The following TMT1B variants were observed in gnomAD, a reference collection of about 807,000 sequenced individuals.
TMT1B encodes the protein thiol methyltransferase 1B.
the TMT1B span, among the ~76,000 whole-genome samples, chr12:55,682,420 C>T: frequency 6.6e-6 from 1 of 151,966 alleles, no homozygotes; most frequent in African/African-American, 2.4e-5. Context: ...CATGACGGGG[C>T]ACAATTGGGT....
At chr12:55,683,246 G>A in the TMT1B span, among the ~76,000 whole-genome samples, 1 of 152,110 alleles carries the variant, frequency 6.6e-6, no homozygotes, top group East Asian at 1.9e-4. Context: ...CTGTAATCCA[G>A]CACTTTGGGA....
At chr12:55,683,694 C>G in the TMT1B span, 4 of 995,212 alleles carry the variant, frequency 4.0e-6, no homozygotes, top group Non-Finnish European at 6.2e-6. Context: ...ACAGTTTGCT[C>G]CATGAACTCT....
the TMT1B span, chr12:55,681,979 G>A: frequency 1.2e-6 from 2 of 1,614,124 alleles, no homozygotes; most frequent in African/African-American, 1.3e-5. Context: ...TGGCCCTACT[G>A]GAGCTGGGCT....
the TMT1B span, among the ~76,000 whole-genome samples, chr12:55,683,427 G>C: frequency 6.6e-6 from 1 of 152,028 alleles, no homozygotes; most frequent in Non-Finnish European, 1.5e-5. Context: ...CCTGAGAGGT[G>C]GAGGTTGCAG....
chr12:55,683,954 A>G, the TMT1B span: 1 of 1,614,042 alleles, frequency 6.2e-7, no homozygotes, highest in Admixed American at 1.7e-5. Flanking sequence ...GGATCTTGAG[A>G]ACGCCCAGTT....
At chr12:55,682,134 G>C in the TMT1B span, 1 of 1,613,972 alleles carries the variant, frequency 6.2e-7, no homozygotes, top group African/African-American at 1.3e-5. Flanking sequence ...GTGGCTCCTG[G>C]AGAGGACATG....
chr12:55,683,904 A>C, the TMT1B span: 3 of 1,614,044 alleles, frequency 1.9e-6, no homozygotes, highest in Non-Finnish European at 2.5e-6. Context: ...ACCTGGAAAC[A>C]CATTGGGGAT....
chr12:55,683,755 C>T, the TMT1B span: 24 of 1,532,218 alleles, frequency 1.6e-5, no homozygotes, highest in Non-Finnish European at 2.1e-5. Context: ...TTGATCAGCG[C>T]GATAGGGAGC....
chr12:55,682,415 C>T, the TMT1B span, among the ~76,000 whole-genome samples: 3 of 151,958 alleles, frequency 2.0e-5, no homozygotes, highest in African/African-American at 4.8e-5. Context: ...AGTGCCATGA[C>T]GGGGCACAAT....
the TMT1B span, among the ~76,000 whole-genome samples, chr12:55,682,754 A>AGCCT: frequency 6.6e-6 from 1 of 152,056 alleles, no homozygotes; most frequent in African/African-American, 2.4e-5. Context: ...ACTGCACTCC[A>AGCCT]GCCTGGGCCA....
At chr12:55,682,090 T>G in the TMT1B span, 7 of 1,614,188 alleles carry the variant, frequency 4.3e-6, no homozygotes, top group Non-Finnish European at 4.2e-6. Flanking sequence ...AGAGCATGGC[T>G]GAGAACAGGC....
chr12:55,684,134 C>T, the TMT1B span: 1 of 1,235,302 alleles, frequency 8.1e-7, no homozygotes, highest in Non-Finnish European at 1.2e-6. Flanking sequence ...CTATCTTCCA[C>T]TGAGAGGGAC....
the TMT1B span, chr12:55,682,033 G>T: frequency 6.2e-7 from 1 of 1,614,258 alleles, no homozygotes; most frequent in Non-Finnish European, 8.5e-7. Context: ...CGGGCTGCAG[G>T]GTCACCTGCC....
chr12:55,683,680 C>A, the TMT1B span: 1 of 840,626 alleles, frequency 1.2e-6, no homozygotes, highest in South Asian at 1.6e-5. Flanking sequence ...AGGTCAGGGG[C>A]ACGACAGTTT....
the TMT1B span, among the ~76,000 whole-genome samples, chr12:55,682,808 A>AAG: frequency 8.6e-3 from 1,280 of 148,354 alleles, 20 homozygotes; most frequent in South Asian, 0.049. Context: ...AATAAATAAA[A>AAG]AGAGAGAGAG....
At chr12:55,682,229 G>C in the TMT1B span, 2 of 1,613,618 alleles carry the variant, frequency 1.2e-6, no homozygotes, top group Admixed American at 3.3e-5. Context: ...GGTCCTGCAG[G>C]AGGTCCGGAG....
At chr12:55,683,666 GA>G in the TMT1B span, 1 of 740,120 alleles carries the variant, frequency 1.4e-6, no homozygotes, top group Non-Finnish European at 2.3e-6. Context: ...AGGGGATGCA[GA>G]AAAGGTCAGG....
the TMT1B span, chr12:55,684,436 A>C: frequency 5.1e-6 from 1 of 196,022 alleles, no homozygotes; most frequent in East Asian, 1.4e-4. Flanking sequence ...TGGTCACAAA[A>C]GTCATGGTGC....
At chr12:55,681,969 T>C in the TMT1B span, 15 of 1,614,088 alleles carry the variant, frequency 9.3e-6, no homozygotes, top group Non-Finnish European at 1.3e-5. Flanking sequence ...TCCGGGAAAG[T>C]GGCCCTACTG....
Sources: allele counts gnomAD v4.1 joint callset (sites outside exome capture counted in the v4.1 genomes callset), GRCh38; gene constraint gnomAD v4.1.1; transcripts MANE v1.5; gene names NCBI Gene and HGNC (gene_info 2026-07-23, HGNC 2026-07-21).